CTNNA2: variants seen among roughly 807,000 people sequenced by gnomAD.
CTNNA2 encodes the protein catenin alpha 2, also known as catenin alpha-2.
A neutral mutation model predicts 101.0 loss-of-function variants in CTNNA2; 42 were observed. The ratio of observed to expected loss-of-function variants is 0.42; its 90% CI spans 0.32 to 0.54. CTNNA2 has a LOEUF of 0.54. Among genes scored for constraint, CTNNA2 ranks in the 20% least tolerant of loss-of-function variants. CTNNA2 has a pLI of 0.14. For missense variants in CTNNA2, 871 were observed against 1,223.1 expected (o/e 0.71, Z 4.29); for synonymous variants, 450 against 456.4 (o/e 0.99, Z 0.18).
chr2:80,613,026 A>T (rs1266827991), intron 17 of CTNNA2: 1 of 151,158 alleles, frequency 6.6e-6, no homozygotes, highest in African/African-American at 2.4e-5. Flanking sequence ...CAAACTTCAG[A>T]TTGTAAATCT....
Position 79,982,349 on chromosome 2 carries a change from CTATATAACCTATATAACATA to C in CTNNA2, c.1056+72561_1056+72580del, listed in dbSNP as rs1558697976. Among the ~76,000 whole-genome samples the C allele has an allele frequency of 2.1e-4, 23 of 108,856 alleles. 1 individual carries two copies. The highest frequency in any genetic ancestry group is 8.8e-4 in the African/African-American group (22 of 25,120). The allele number at this position is 108,856 out of a possible 152,430, so 71.4% of individuals were successfully genotyped here. On this transcript the variant is annotated intron_variant, in intron 7 of 18. Coordinates refer to ENST00000402739, the MANE Select transcript of CTNNA2 (RefSeq NM_001282597.3). ...AACACACATATAAAACATATATAAC[CTATATAACCTATATAACATA>C]TATATAACATATATAACATATATAA...
intron 7 of CTNNA2, among the ~76,000 whole-genome samples, chr2:80,211,176 C>T (rs1707866038): frequency 6.6e-6 from 1 of 152,196 alleles, no homozygotes; most frequent in East Asian, 1.9e-4. Flanking sequence ...TGCCTGTTCA[C>T]TCTAATGATA....
At chr2:80,000,176 C>T (rs1007792713) in intron 7 of CTNNA2, among the ~76,000 whole-genome samples, 4 of 152,100 alleles carry the variant, frequency 2.6e-5, no homozygotes, top group Non-Finnish European at 4.4e-5. Context: ...ATTGGGTGTC[C>T]GGAGTTCCCT....
chr2:79,222,776 G>A (rs1432778283), intron 2 of CTNNA2, among the ~76,000 whole-genome samples: 1 of 151,722 alleles, frequency 6.6e-6, no homozygotes, highest in Non-Finnish European at 1.5e-5. Context: ...CAATGTGATG[G>A]CATTAGGAGG....
At chr2:79,202,833 A>G (rs1487234488) in intron 2 of CTNNA2, among the ~76,000 whole-genome samples, 1 of 152,162 alleles carries the variant, frequency 6.6e-6, no homozygotes, top group Non-Finnish European at 1.5e-5. Context: ...GAAAGATAGC[A>G]TCTCCATATT....
chr2:79,965,101 C>T (rs1471106583), intron 7 of CTNNA2, among the ~76,000 whole-genome samples: 1 of 152,196 alleles, frequency 6.6e-6, no homozygotes, highest in Non-Finnish European at 1.5e-5. Context: ...CTGTTCAAGT[C>T]ACTCCGAGGA....
intron 6 of CTNNA2, among the ~76,000 whole-genome samples, chr2:79,902,501 A>T (rs1370530693): frequency 6.6e-6 from 1 of 152,152 alleles, no homozygotes; most frequent in Non-Finnish European, 1.5e-5. Context: ...CCACTACCCG[A>T]TGTTCATATA....
intron 1 of CTNNA2, chr2:79,575,555 G>A (rs761881035): frequency 6.6e-6 from 1 of 152,270 alleles, no homozygotes; most frequent in Admixed American, 6.5e-5. Context: ...TATCCACAGT[G>A]GCTTCAGGAA....
intron 9 of CTNNA2, among the ~76,000 whole-genome samples, chr2:80,529,204 T>G (rs770484537): frequency 6.6e-6 from 1 of 152,174 alleles, no homozygotes; most frequent in Non-Finnish European, 1.5e-5. Context: ...ATTTTCAGAT[T>G]TGTAGGCCAC....
At chr2:79,661,252 G>A (rs17017444) in intron 2 of CTNNA2, among the ~76,000 whole-genome samples, 13,934 of 152,156 alleles carry the variant, frequency 0.092, 789 homozygotes, top group East Asian at 0.26. Flanking sequence ...AGCCTAGGGA[G>A]ATGAAAGTTA....
At chr2:79,725,714 TC>T in intron 2 of CTNNA2, among the ~76,000 whole-genome samples, 1 of 152,334 alleles carries the variant, frequency 6.6e-6, no homozygotes, top group Admixed American at 6.5e-5. Flanking sequence ...TTCTAAATTG[TC>T]AGTGCATGCA....
chr2:80,268,725 G>T (rs1405752692), intron 7 of CTNNA2, among the ~76,000 whole-genome samples: 2 of 152,114 alleles, frequency 1.3e-5, no homozygotes, highest in Non-Finnish European at 1.5e-5. Context: ...ATGGTGCTCT[G>T]AATCATTGGT....
intron 12 of CTNNA2, among the ~76,000 whole-genome samples, chr2:80,564,331 GCCAT>G (rs1693863585): frequency 6.6e-6 from 1 of 152,056 alleles, no homozygotes; most frequent in Admixed American, 6.6e-5. Flanking sequence ...AATTAAATGT[GCCAT>G]CCTTTTAAGT....
chr2:80,476,281 C>G (rs542515577), intron 9 of CTNNA2, among the ~76,000 whole-genome samples: 1 of 152,100 alleles, frequency 6.6e-6, no homozygotes, highest in Non-Finnish European at 1.5e-5. Context: ...TCAATTAGGA[C>G]AGATTTTGTT....
At chr2:80,333,727 C>T (rs930527331) in intron 7 of CTNNA2, among the ~76,000 whole-genome samples, 5 of 152,160 alleles carry the variant, frequency 3.3e-5, no homozygotes, top group Non-Finnish European at 5.9e-5. Context: ...CTGGATTCAA[C>T]AATTCTCCTG....
intron 3 of CTNNA2, among the ~76,000 whole-genome samples, chr2:79,329,602 T>C (rs140488830): frequency 6.6e-6 from 1 of 152,258 alleles, no homozygotes; most frequent in African/African-American, 2.4e-5. Flanking sequence ...GTATCTGTCC[T>C]GATTACCATT....
At chr2:80,396,034 C>T (rs1484105790) in intron 8 of CTNNA2, among the ~76,000 whole-genome samples, 1 of 152,116 alleles carries the variant, frequency 6.6e-6, no homozygotes, top group Non-Finnish European at 1.5e-5. Flanking sequence ...TGAAAAGAAA[C>T]AAAGTCAATC....
At chr2:79,352,780 C>T (rs1181232892) in intron 3 of CTNNA2, among the ~76,000 whole-genome samples, 1 of 152,132 alleles carries the variant, frequency 6.6e-6, no homozygotes, top group Non-Finnish European at 1.5e-5. Context: ...CATTCTCACA[C>T]AGCTATAAAG....
intron 1 of CTNNA2, among the ~76,000 whole-genome samples, chr2:79,597,905 C>T (rs1677305935): frequency 6.6e-6 from 1 of 152,188 alleles, no homozygotes; most frequent in African/African-American, 2.4e-5. Context: ...AATAGTTTCA[C>T]TGCCTTAAAA....
Sources: allele counts gnomAD v4.1 joint callset (sites outside exome capture counted in the v4.1 genomes callset), GRCh38; gene constraint gnomAD v4.1.1; transcripts MANE v1.5; gene names NCBI Gene and HGNC (gene_info 2026-07-23, HGNC 2026-07-21).